FRMD3: variants seen among roughly 807,000 people sequenced by gnomAD.
FRMD3 encodes the protein FERM domain-containing protein 3.
Under a neutral mutation model 70.2 loss-of-function variants are expected in FRMD3, and 33 were observed. The ratio of observed to expected loss-of-function variants is 0.47; its 90% CI spans 0.36 to 0.63. The LOEUF is 0.63. Among genes scored for constraint, FRMD3 ranks in the 20% least tolerant of loss-of-function variants. The pLI is 0.00. For missense variants in FRMD3, 632 were observed against 711.4 expected, an observed-to-expected ratio of 0.89 and a Z score of 1.27; for synonymous variants, 279 against 255.9, an observed-to-expected ratio of 1.09 and a Z score of -0.86.
chr9:83,404,274 T>C (rs1826035954), intron 1 of FRMD3, among the ~76,000 whole-genome samples: 1 of 152,224 alleles, frequency 6.6e-6, no homozygotes, highest in Admixed American at 6.5e-5. Context: ...GGGTGTTTCA[T>C]TTTTATGAAA....
intron 6 of FRMD3, among the ~76,000 whole-genome samples, chr9:83,325,544 C>T (rs560658258): frequency 8.0e-4 from 121 of 152,122 alleles, no homozygotes; most frequent in African/African-American, 2.8e-3. Context: ...ACGCTGGTCT[C>T]GAACTCCTGG....
intron 1 of FRMD3, among the ~76,000 whole-genome samples, chr9:83,442,910 C>CATGTCTTATGTTCATACTAATCTATACTT (rs532812846): frequency 6.6e-6 from 1 of 152,174 alleles, no homozygotes; most frequent in Non-Finnish European, 1.5e-5. Flanking sequence ...ACTTCTGCAA[C>CATGTCTTATGTTCATACTAATCTATACTT]ATGTCTTATG....
In FRMD3 at chr9:83,246,149, G is replaced by A. The variant is rs1043646633; in HGVS notation, c.*1769C>T. On this transcript the variant is annotated 3_prime_UTR_variant, in exon 14 of 14. Coordinates refer to ENST00000304195, the MANE Select transcript of FRMD3 (RefSeq NM_174938.6). ...GAGTGGAAATGTATTGCCCAATTTA[G>A]AAATCATGCTAATGATAGGGTTGGA... is the stretch of plus-strand genomic sequence containing the variant. 28 of 985,118 alleles carry A rather than the reference G, an allele frequency of 2.8e-5. No homozygotes were observed. Among genetic ancestry groups the A allele is most frequent in the South Asian group, 2.8e-4 (6 of 21,278 alleles). The allele number at this position is 985,118 out of a possible 1,614,324, so 61.0% of individuals were successfully genotyped here.
intron 1 of FRMD3, among the ~76,000 whole-genome samples, chr9:83,512,062 C>T (rs1225468390): frequency 6.6e-6 from 1 of 152,180 alleles, no homozygotes; most frequent in African/African-American, 2.4e-5. Flanking sequence ...GGGTACCCAC[C>T]AGCTCTGGGA....
chr9:83,439,103 C>A (rs1339686139), intron 1 of FRMD3, among the ~76,000 whole-genome samples: 1 of 152,128 alleles, frequency 6.6e-6, no homozygotes, highest in Non-Finnish European at 1.5e-5. Flanking sequence ...CACTCATCAC[C>A]AAATGGGGGC....
chr9:83,518,038 T>C (rs939809148), intron 1 of FRMD3, among the ~76,000 whole-genome samples: 1 of 152,232 alleles, frequency 6.6e-6, no homozygotes, highest in Non-Finnish European at 1.5e-5. Context: ...AATATCATAC[T>C]GAATGGGCAA....
intron 1 of FRMD3, among the ~76,000 whole-genome samples, chr9:83,464,061 C>T (rs577438203): frequency 1.3e-5 from 2 of 152,306 alleles, no homozygotes; most frequent in South Asian, 4.1e-4. Context: ...GTACACACCC[C>T]CTGCATGAAT....
At chr9:83,346,463 C>T (rs967158528) in intron 4 of FRMD3, among the ~76,000 whole-genome samples, 8 of 152,028 alleles carry the variant, frequency 5.3e-5, no homozygotes, top group African/African-American at 2.4e-5. Flanking sequence ...ACATTGCATG[C>T]TTTGATTTAT....
chr9:83,274,387 G>T (rs1311891095), intron 13 of FRMD3, among the ~76,000 whole-genome samples: 3 of 149,676 alleles, frequency 2.0e-5, no homozygotes, highest in Admixed American at 2.0e-4. Flanking sequence ...GACAGAAAGA[G>T]GTGTTTTAAG....
At chr9:83,447,337 A>G (rs1827509328) in intron 1 of FRMD3, among the ~76,000 whole-genome samples, 1 of 152,078 alleles carries the variant, frequency 6.6e-6, no homozygotes, top group African/African-American at 2.4e-5. Flanking sequence ...CAGGGTTTCT[A>G]AGTCCCCATG....
chr9:83,305,534 TTACACTATGCCCCAGTGG>T (rs2131031708), intron 10 of FRMD3, among the ~76,000 whole-genome samples: 1 of 152,228 alleles, frequency 6.6e-6, no homozygotes, highest in South Asian at 2.1e-4. Flanking sequence ...CTCACACTCA[TTACACTATGCCCCAGTGG>T]TACAAGCAAA....
chr9:83,246,476 G>GC lies in FRMD3; in HGVS notation c.*1441_*1442insG. The GC allele has an allele frequency of 1.0e-6, 1 of 985,100 alleles. No individual in the cohort carries two copies. The highest frequency in any genetic ancestry group is 1.2e-6 in the Non-Finnish European group (1 of 829,814). The allele number at this position is 985,100 out of a possible 1,614,324, so 61.0% of individuals were successfully genotyped here. A position where few individuals can be genotyped will look rare whatever the true frequency, so the allele number is the denominator to read the frequency against. On this transcript the variant is annotated 3_prime_UTR_variant, in exon 14 of 14. Transcript: ENST00000304195. The stretch of plus-strand genomic sequence containing the variant: ...AGAGCACTGGTCCCCTCTACAGTCT[G>GC]GTTAGGGTCATGTCACTACTTTACC...
intron 13 of FRMD3, among the ~76,000 whole-genome samples, chr9:83,284,061 A>ATTTTTTTTTTTT (rs71365307): frequency 9.8e-6 from 1 of 101,710 alleles, no homozygotes; most frequent in Non-Finnish European, 2.0e-5. Flanking sequence ...CTAGGATGTT[A>ATTTTTTTTTTTT]TTTTTTTTTT....
chr9:83,340,480 C>T (rs966181509), intron 5 of FRMD3, among the ~76,000 whole-genome samples: 2 of 152,132 alleles, frequency 1.3e-5, no homozygotes, highest in African/African-American at 2.4e-5. Context: ...GGTAGACTTA[C>T]CAGAGGAAGT....
chr9:83,258,111 C>T (rs904875617), intron 13 of FRMD3, among the ~76,000 whole-genome samples: 12 of 152,218 alleles, frequency 7.9e-5, no homozygotes, highest in Non-Finnish European at 1.5e-4. Flanking sequence ...TTGGACACTG[C>T]TCATTCCCAT....
chr9:83,417,896 G>C (rs932423879), intron 1 of FRMD3, among the ~76,000 whole-genome samples: 6 of 152,148 alleles, frequency 3.9e-5, no homozygotes, highest in Non-Finnish European at 7.3e-5. Flanking sequence ...TAAAAATAAG[G>C]CCAGCAAGCA....
At chr9:83,280,567 T>G (rs936834720) in intron 13 of FRMD3, among the ~76,000 whole-genome samples, 1 of 152,174 alleles carries the variant, frequency 6.6e-6, no homozygotes, top group African/African-American at 2.4e-5. Context: ...GAACAGAGAT[T>G]TCAGAGTTTC....
At position 83,309,515 on chromosome 9, in the gene FRMD3, A is replaced by G. The variant is rs756731012; in HGVS notation, c.926+21T>C. Reference sequence around the variant, plus strand: ...ATGGGTGCTTTTAAAAGCTATAATTAAATGAATAAAAGCCACTTACTTATA... The same window carrying G: ...ATGGGTGCTTTTAAAAGCTATAATTGAATGAATAAAAGCCACTTACTTATA... On this transcript the variant is annotated intron_variant, in intron 10 of 13. Coordinates refer to ENST00000304195, the MANE Select transcript of FRMD3 (RefSeq NM_174938.6). 3 of 1,449,570 alleles carry G rather than the reference A, an allele frequency of 2.1e-6. No individual in the cohort carries two copies. In the East Asian group the frequency reaches 6.8e-5, roughly 33 times the overall value. 89.8% of individuals were successfully genotyped at this position (1,449,570 alleles called of 1,614,324 possible). A position where few individuals can be genotyped will look rare whatever the true frequency, so the allele number is the denominator to read the frequency against.
At chr9:83,536,150 A>G (rs1039260783) in intron 1 of FRMD3, among the ~76,000 whole-genome samples, 9 of 152,212 alleles carry the variant, frequency 5.9e-5, no homozygotes, top group African/African-American at 1.9e-4. Flanking sequence ...GAAACATCAT[A>G]ATTTTTTAAA....
Sources: allele counts gnomAD v4.1 joint callset (sites outside exome capture counted in the v4.1 genomes callset), GRCh38; gene constraint gnomAD v4.1.1; transcripts MANE v1.5; gene names NCBI Gene and HGNC (gene_info 2026-07-23, HGNC 2026-07-21).